EXTL3: variants seen among roughly 807,000 people sequenced by gnomAD.
EXTL3 encodes the protein exostosin-like 3.
In EXTL3, 27 loss-of-function variants were observed where a neutral mutation model predicts 69.3. The observed-to-expected ratio is 0.39, with a 90% CI of 0.29 to 0.54. The LOEUF is 0.54. EXTL3 is among the 20% of genes least tolerant of loss of function. The probability of loss-of-function intolerance (pLI) is 0.69; values close to 1 mark genes in which losing one functional copy is unlikely to be tolerated. For missense variants in EXTL3, 1,003 were observed against 1,231.8 expected, an observed-to-expected ratio of 0.81 and a Z score of 2.78; for synonymous variants, 511 against 499.4, an observed-to-expected ratio of 1.02 and a Z score of -0.31.
rs35188606 is a variant in EXTL3 at position 28,610,744 on chromosome 8, C to CT, written n.314+3003dup. Among the ~76,000 whole-genome samples, 1,275 of 138,098 alleles carry CT rather than the reference C, an allele frequency of 9.2e-3. 8 individuals carry two copies. Among genetic ancestry groups the CT allele is most frequent in the Middle Eastern group, 0.019 (5 of 258 alleles). 90.6% of individuals were successfully genotyped at this position (138,098 alleles called of 152,430 possible). On this transcript the variant is annotated intron_variant and non_coding_transcript_variant, in intron 2 of 4. Coordinates refer to the EXTL3 transcript ENST00000522725. ...TTGTAAATCAAGCCCAGATCTGTTTCTTTTTTTTTTTTTTTTTAGATGGAG... is the reference window on the plus strand; with the variant it reads ...TTGTAAATCAAGCCCAGATCTGTTTCTTTTTTTTTTTTTTTTTTAGATGGAG...
intron 2 of EXTL3, among the ~76,000 whole-genome samples, chr8:28,613,788 G>A (rs1006284552): frequency 3.3e-5 from 5 of 151,868 alleles, no homozygotes; most frequent in African/African-American, 1.2e-4. Flanking sequence ...TCCTTTTAAT[G>A]CCATAGGATC....
At chr8:28,618,045 G>A (rs1806350694), upstream of EXTL3, among the ~76,000 whole-genome samples, 3 of 152,314 alleles carry the variant, frequency 2.0e-5, no homozygotes, top group African/African-American at 7.2e-5. Flanking sequence ...TATGGGTGAT[G>A]ACAAGCTTTG....
intron 1 of EXTL3, among the ~76,000 whole-genome samples, chr8:28,707,784 C>T (rs112215826): frequency 0.025 from 3,844 of 152,256 alleles, 163 homozygotes; most frequent in African/African-American, 0.088. Flanking sequence ...GATTTTTACA[C>T]ATAATTAAAC....
At chr8:28,642,550 C>T (rs556729779) in intron 1 of EXTL3, among the ~76,000 whole-genome samples, 6 of 150,658 alleles carry the variant, frequency 4.0e-5, no homozygotes, top group African/African-American at 1.2e-4. Context: ...TCCAGGAGTT[C>T]GAGGCTGCAG....
At chr8:28,714,596 A>T (rs925359942) in intron 2 of EXTL3, among the ~76,000 whole-genome samples, 1 of 152,224 alleles carries the variant, frequency 6.6e-6, no homozygotes, top group Non-Finnish European at 1.5e-5. Flanking sequence ...TGTTAAGAGT[A>T]TGGTGAATAT....
At position 28,717,126 on chromosome 8, in the gene EXTL3, G is replaced by C. The variant is rs1801171342; in HGVS notation, c.1067G>C (p.Ser356Thr). The C allele has an allele frequency of 2.5e-6, 4 of 1,614,140 alleles. No individual in the cohort carries two copies. Among genetic ancestry groups the C allele is most frequent in the Non-Finnish European group, 3.4e-6 (4 of 1,180,052 alleles). The change falls in exon 3 of 7, where the codon AGC (serine) becomes ACC (threonine). Residue 356 changes from serine (S) to threonine (T), a missense_variant. Around this residue, in one of 2 missense-constraint regions of EXTL3, gnomAD observed 742 missense variants for 815.4 expected, o/e 0.91. Coordinates refer to ENST00000220562, the MANE Select transcript of EXTL3 (RefSeq NM_001440.4). The surrounding 1 kb of genome is among the most constrained non-coding windows in gnomAD (Gnocchi z 8.3). Reference protein sequence around the residue: ...QGEKIESLRSSLQEARSFEEE... With the variant: ...QGEKIESLRSTLQEARSFEEE... ...GAGAAGATTGAGTCTCTGAGGTCTA[G>C]CCTTCAGGAGGCCCGCTCCTTCGAA...
chr8:28,674,940 C>G (rs2130648945), intron 1 of EXTL3, among the ~76,000 whole-genome samples: 1 of 152,290 alleles, frequency 6.6e-6, no homozygotes, highest in South Asian at 2.1e-4. Flanking sequence ...CAATGTTGAA[C>G]TCCTCAGGAC....
intron 1 of EXTL3, among the ~76,000 whole-genome samples, chr8:28,683,437 G>A (rs1807524711): frequency 6.6e-6 from 1 of 151,752 alleles, no homozygotes; most frequent in Non-Finnish European, 1.5e-5. Flanking sequence ...TTTTTTGGGG[G>A]GATATCTGTC....
At chr8:28,614,782 CT>C (rs1224169548) in intron 2 of EXTL3, among the ~76,000 whole-genome samples, 1 of 152,166 alleles carries the variant, frequency 6.6e-6, no homozygotes, top group Non-Finnish European at 1.5e-5. Context: ...CTTGAGACTT[CT>C]TCCATGTATT....
intron 1 of EXTL3, among the ~76,000 whole-genome samples, chr8:28,663,446 G>T (rs1376558523): frequency 6.6e-6 from 1 of 151,956 alleles, no homozygotes; most frequent in Non-Finnish European, 1.5e-5. Context: ...TCCATTTGAA[G>T]ACCATTATTC....
At chr8:28,706,110 A>G (rs1800917401) in intron 1 of EXTL3, among the ~76,000 whole-genome samples, 3 of 152,236 alleles carry the variant, frequency 2.0e-5, no homozygotes, top group African/African-American at 7.2e-5. Context: ...TATCAGTGAC[A>G]GTCACACTTT....
chr8:28,629,802 G>A (rs1806546099), intron 1 of EXTL3, among the ~76,000 whole-genome samples: 1 of 152,090 alleles, frequency 6.6e-6, no homozygotes, highest in Non-Finnish European at 1.5e-5. Context: ...GGATTGCCTG[G>A]AGGTCTTAAT....
chr8:28,734,350 T>A (rs1416897641), intron 4 of EXTL3, among the ~76,000 whole-genome samples: 2 of 152,244 alleles, frequency 1.3e-5, no homozygotes, highest in Non-Finnish European at 2.9e-5. Flanking sequence ...TTCATTTTTG[T>A]TGTATTTTAC....
intron 1 of EXTL3, among the ~76,000 whole-genome samples, chr8:28,687,620 A>T (rs1412397451): frequency 6.6e-6 from 1 of 152,222 alleles, no homozygotes; most frequent in East Asian, 1.9e-4. Context: ...TCAAGAGCTC[A>T]GAAGGAAGGT....
At chr8:28,666,422 C>T (rs542552979) in intron 1 of EXTL3, among the ~76,000 whole-genome samples, 2 of 152,124 alleles carry the variant, frequency 1.3e-5, no homozygotes, top group South Asian at 2.1e-4. Flanking sequence ...GGACCATGGG[C>T]GTGTACCACC....
At chr8:28,706,339 C>T (rs543245918) in intron 1 of EXTL3, among the ~76,000 whole-genome samples, 1 of 152,236 alleles carries the variant, frequency 6.6e-6, no homozygotes, top group African/African-American at 2.4e-5. Context: ...CACAAGAGTA[C>T]CTGCCACATT....
chr8:28,628,821 G>A (rs1436268441), intron 1 of EXTL3, among the ~76,000 whole-genome samples: 2 of 152,068 alleles, frequency 1.3e-5, no homozygotes, highest in East Asian at 1.9e-4. Flanking sequence ...TCCTGGCTAA[G>A]TTTTGTATTT....
At chr8:28,708,157 C>T (rs1164488637) in intron 1 of EXTL3, among the ~76,000 whole-genome samples, 1 of 152,208 alleles carries the variant, frequency 6.6e-6, no homozygotes, top group Admixed American at 6.5e-5. Flanking sequence ...AAGGGCGGCT[C>T]AAACTCTGGT....
At chr8:28,738,155 G>A (rs373421890) in intron 5 of EXTL3, among the ~76,000 whole-genome samples, 1 of 152,166 alleles carries the variant, frequency 6.6e-6, no homozygotes, top group East Asian at 1.9e-4. Flanking sequence ...GATTTTCACT[G>A]AATATCTGAA....
Sources: gnomAD v4.1 joint callset for allele counts (sites outside exome capture counted in the v4.1 genomes callset) on GRCh38, gnomAD v4.1.1 for gene constraint, gnomAD v4.1.1 regional missense constraint, Gnocchi (gnomAD v3.1) non-coding constraint, MANE v1.5 for transcripts, NCBI Gene and HGNC (gene_info 2026-07-23, HGNC 2026-07-21) for gene names.